The following PALLD variants were observed in gnomAD, a reference collection of about 807,000 sequenced individuals.
The protein encoded by PALLD is palladin, cytoskeletal associated protein.
In PALLD, 61 loss-of-function variants were observed where a neutral mutation model predicts 123.5. That is an observed-to-expected ratio of 0.49 (90% CI 0.40 to 0.61). PALLD has a LOEUF of 0.61. Among genes scored for constraint, PALLD ranks in the 20% least tolerant of loss-of-function variants. The pLI, the probability that PALLD is intolerant of heterozygous loss-of-function variation, is 0.00. For missense variants in PALLD, 1,273 were observed against 1,377.0 expected (o/e 0.92, Z 1.20); for synonymous variants, 465 against 496.4 (o/e 0.94, Z 0.84).
intron 3 of PALLD, among the ~76,000 whole-genome samples, chr4:168,677,110 A>G (rs977140252): frequency 1.6e-4 from 24 of 152,300 alleles, no homozygotes; most frequent in African/African-American, 5.8e-4. Context: ...TGGAGCCTAC[A>G]TCCAAAACTG....
intron 1 of PALLD, among the ~76,000 whole-genome samples, chr4:168,499,284 ATGGG>A (rs1403298585): frequency 1.0e-3 from 45 of 43,602 alleles, no homozygotes; most frequent in African/African-American, 4.4e-3. Context: ...GGGAGGGAGG[ATGGG>A]AGGGAGGATG....
At chr4:168,868,412 T>C (rs1750630570) in intron 10 of PALLD, among the ~76,000 whole-genome samples, 1 of 152,154 alleles carries the variant, frequency 6.6e-6, no homozygotes, top group Non-Finnish European at 1.5e-5. Flanking sequence ...GAAATTGACT[T>C]TAAGAAGAAA....
intron 8 of PALLD, among the ~76,000 whole-genome samples, chr4:168,704,631 CT>C (rs1447875868): frequency 6.8e-6 from 1 of 147,432 alleles, no homozygotes; most frequent in Non-Finnish European, 1.5e-5. Flanking sequence ...GCCACTGCAC[CT>C]CCAGCCTGGG....
At chr4:168,653,282 ATC>A (rs1239948452) in intron 2 of PALLD, among the ~76,000 whole-genome samples, 1 of 152,240 alleles carries the variant, frequency 6.6e-6, no homozygotes, top group Non-Finnish European at 1.5e-5. Flanking sequence ...AAAACAGCGG[ATC>A]AGTGGAACAC....
chr4:168,895,408 A>G (rs1221165064), intron 12 of PALLD, among the ~76,000 whole-genome samples: 2 of 152,178 alleles, frequency 1.3e-5, no homozygotes, highest in Non-Finnish European at 2.9e-5. Context: ...AAAAACACAT[A>G]TACGACTTTT....
intron 10 of PALLD, among the ~76,000 whole-genome samples, chr4:168,712,729 T>C (rs1490346689): frequency 6.6e-6 from 1 of 152,144 alleles, no homozygotes; most frequent in African/African-American, 2.4e-5. Flanking sequence ...GTGTATGTAT[T>C]CTATGAGGTC....
intron 10 of PALLD, among the ~76,000 whole-genome samples, chr4:168,751,016 ATT>A (rs748523240): frequency 4.2e-5 from 6 of 142,130 alleles, no homozygotes; most frequent in African/African-American, 7.7e-5. Flanking sequence ...CTGCGTGTGT[ATT>A]TTTTTTTTTT....
At chr4:168,805,919 G>T (rs11726774) in intron 10 of PALLD, among the ~76,000 whole-genome samples, 23 of 151,926 alleles carry the variant, frequency 1.5e-4, no homozygotes, top group Non-Finnish European at 2.8e-4. Context: ...GTCCTTTGAT[G>T]ATGCGGTTTG....
intron 2 of PALLD, among the ~76,000 whole-genome samples, chr4:168,619,704 A>G (rs903400621): frequency 1.3e-5 from 2 of 152,184 alleles, no homozygotes; most frequent in African/African-American, 2.4e-5. Flanking sequence ...TGTACTTATG[A>G]CGAGCTCCAG....
chr4:168,525,463 G>A (rs1208385311), intron 2 of PALLD, among the ~76,000 whole-genome samples: 1 of 152,144 alleles, frequency 6.6e-6, no homozygotes, highest in African/African-American at 2.4e-5. Context: ...TAGGTGTTAG[G>A]TGTGCAGACA....
intron 10 of PALLD, among the ~76,000 whole-genome samples, chr4:168,735,845 C>T (rs1322480468): frequency 6.6e-6 from 1 of 152,176 alleles, no homozygotes; most frequent in Non-Finnish European, 1.5e-5. Flanking sequence ...CGTTTTGACT[C>T]TGACTTTCTC....
chr4:168,904,737 C>G (rs1345152199), intron 15 of PALLD, among the ~76,000 whole-genome samples: 2 of 152,102 alleles, frequency 1.3e-5, no homozygotes, highest in Non-Finnish European at 2.9e-5. Flanking sequence ...TTTAGAATCT[C>G]TGATCTACTT....
At chr4:168,556,731 A>G (rs369154542) in intron 2 of PALLD, among the ~76,000 whole-genome samples, 1 of 152,216 alleles carries the variant, frequency 6.6e-6, no homozygotes. Flanking sequence ...AACAAAAAAG[A>G]CTGAGAAAAT....
At chr4:168,778,632 T>C (rs114499842) in intron 10 of PALLD, among the ~76,000 whole-genome samples, 256 of 152,330 alleles carry the variant, frequency 1.7e-3, no homozygotes, top group African/African-American at 5.9e-3. Flanking sequence ...GTACTGATTA[T>C]GTACCAAGCA....
intron 2 of PALLD, among the ~76,000 whole-genome samples, chr4:168,643,465 G>A (rs1270435536): frequency 6.6e-6 from 1 of 152,144 alleles, no homozygotes; most frequent in African/African-American, 2.4e-5. Flanking sequence ...GCTCTATGCC[G>A]TGTATGATTT....
At chr4:168,569,930 A>G (rs10001414) in intron 2 of PALLD, among the ~76,000 whole-genome samples, 2,476 of 152,292 alleles carry the variant, frequency 0.016, 73 homozygotes, top group African/African-American at 0.057. Context: ...GAAACGTCAC[A>G]GGATTTTAAT....
chr4:168,745,674 C>G (rs1730196311), intron 10 of PALLD, among the ~76,000 whole-genome samples: 1 of 152,068 alleles, frequency 6.6e-6, no homozygotes, highest in Non-Finnish European at 1.5e-5. Flanking sequence ...GAGTTCTCTT[C>G]TATTTATTAT....
chr4:168,600,122 T>C (rs1391058220), intron 2 of PALLD, among the ~76,000 whole-genome samples: 1 of 146,426 alleles, frequency 6.8e-6, no homozygotes, highest in South Asian at 2.2e-4. Context: ...TATACATACA[T>C]GTGTATACAC....
intron 3 of PALLD, among the ~76,000 whole-genome samples, chr4:168,673,242 C>T (rs937268899): frequency 5.9e-5 from 9 of 152,154 alleles, no homozygotes; most frequent in African/African-American, 2.2e-4. Context: ...TAAGGCATTC[C>T]AGCAGCAGCA....
Sources: allele counts gnomAD v4.1 joint callset (sites outside exome capture counted in the v4.1 genomes callset), GRCh38; gene constraint gnomAD v4.1.1; transcripts MANE v1.5; gene names NCBI Gene and HGNC (gene_info 2026-07-23, HGNC 2026-07-21).